Variants in SLC4A10 observed in about 807,000 individuals in gnomAD.
SLC4A10 encodes the protein solute carrier family 4 member 10, also known as sodium-driven chloride bicarbonate exchanger.
A neutral mutation model predicts 137.7 loss-of-function variants in SLC4A10; 42 were observed. The observed-to-expected ratio is 0.30, with a 90% confidence interval of 0.24 to 0.39. The LOEUF (loss-of-function observed/expected upper bound fraction) is 0.39. SLC4A10 is among the 10% of genes least tolerant of loss of function. The probability of loss-of-function intolerance (pLI) is 1.00; values close to 1 mark genes in which losing one functional copy is unlikely to be tolerated. For missense variants in SLC4A10, 925 were observed against 1,355.0 expected (o/e 0.68, Z 4.98); for synonymous variants, 474 against 464.1 (o/e 1.02, Z -0.27).
intron 9 of SLC4A10, among the ~76,000 whole-genome samples, chr2:161,880,444 A>G (rs528090884): frequency 1.3e-5 from 2 of 152,262 alleles, no homozygotes; most frequent in South Asian, 4.1e-4. Context: ...TTAAGAGCTC[A>G]GCTGACTGGA....
chr2:161,864,145 T>C (rs1167264689), intron 6 of SLC4A10, among the ~76,000 whole-genome samples: 1 of 151,914 alleles, frequency 6.6e-6, no homozygotes, highest in Non-Finnish European at 1.5e-5. Context: ...GAGATTGCAG[T>C]GAGCCGAGAT....
At chr2:161,852,800 C>G (rs911657553) in intron 4 of SLC4A10, among the ~76,000 whole-genome samples, 1 of 152,128 alleles carries the variant, frequency 6.6e-6, no homozygotes, top group African/African-American at 2.4e-5. Flanking sequence ...CCTGGCTTGA[C>G]AAGGTCACTG....
chr2:161,787,879 T>C (rs530912754), intron 2 of SLC4A10, among the ~76,000 whole-genome samples: 1 of 152,286 alleles, frequency 6.6e-6, no homozygotes, highest in Admixed American at 6.5e-5. Context: ...TTCTTTAGAA[T>C]CCGTATCTTG....
chr2:161,761,344 A>G (rs1231593587), intron 1 of SLC4A10, among the ~76,000 whole-genome samples: 2 of 152,096 alleles, frequency 1.3e-5, no homozygotes, highest in Admixed American at 6.6e-5. Flanking sequence ...CAGGACAAAT[A>G]AATGAAGGCC....
chr2:161,964,837 T>C (rs770951265), intron 22 of SLC4A10, among the ~76,000 whole-genome samples: 7 of 152,158 alleles, frequency 4.6e-5, no homozygotes, highest in Non-Finnish European at 1.0e-4. Context: ...GACTCCCATA[T>C]TGGTTAAAAT....
rs144192022 is a variant in SLC4A10, at chr2:161,828,046, G to A, written c.278-11743G>A. 2.6e-3 allele frequency among the ~76,000 whole-genome samples: 391 copies of A among 152,086 alleles called. 2 individuals are homozygous for A. The highest frequency in any genetic ancestry group is 4.5e-3 in the Non-Finnish European group (309 of 68,004). On this transcript the variant is annotated intron_variant, in intron 3 of 26. Transcript: ENST00000446997. ...TACTCCTGGGTTTACTCTGACTTTG[G>A]TCCCCAGCTCTCCAGTGCTATTATT...
At chr2:161,813,886 C>T (rs771020501) in intron 3 of SLC4A10, among the ~76,000 whole-genome samples, 2 of 152,034 alleles carry the variant, frequency 1.3e-5, no homozygotes, top group African/African-American at 2.4e-5. Context: ...ATGCTCAACC[C>T]GTACACCAAC....
At chr2:161,970,850 A>G (rs1575927562) in intron 23 of SLC4A10, among the ~76,000 whole-genome samples, 1 of 152,250 alleles carries the variant, frequency 6.6e-6, no homozygotes, top group Non-Finnish European at 1.5e-5. Flanking sequence ...TTATCAAACC[A>G]CACCAGGATT....
chr2:161,751,827 C>T (rs1197290453), intron 1 of SLC4A10, among the ~76,000 whole-genome samples: 1 of 151,868 alleles, frequency 6.6e-6, no homozygotes, highest in Non-Finnish European at 1.5e-5. Context: ...GGTAAAAGAA[C>T]AGATCTTCCA....
At chr2:161,896,430 G>A in intron 11 of SLC4A10, among the ~76,000 whole-genome samples, 1 of 152,070 alleles carries the variant, frequency 6.6e-6, no homozygotes, top group Non-Finnish European at 1.5e-5. Flanking sequence ...CTTTAAAGTA[G>A]TTTTTTTCCA....
chr2:161,885,804 A>C (rs2062222436), intron 10 of SLC4A10, among the ~76,000 whole-genome samples: 2 of 152,186 alleles, frequency 1.3e-5, no homozygotes, highest in Non-Finnish European at 2.9e-5. Context: ...TAATGAATTC[A>C]TTTAAAAATA....
At chr2:161,860,558 CA>C (rs2060379824) in intron 5 of SLC4A10, among the ~76,000 whole-genome samples, 1 of 152,094 alleles carries the variant, frequency 6.6e-6, no homozygotes, top group Non-Finnish European at 1.5e-5. Flanking sequence ...TCCATCTTAG[CA>C]AGGTTTCAGT....
At chr2:161,875,589 C>T (rs971796494) in intron 8 of SLC4A10, among the ~76,000 whole-genome samples, 3 of 152,092 alleles carry the variant, frequency 2.0e-5, no homozygotes, top group African/African-American at 7.2e-5. Context: ...TGTGTCAAAG[C>T]AATATTTGTT....
intron 1 of SLC4A10, among the ~76,000 whole-genome samples, chr2:161,699,299 C>T (rs372351252): frequency 2.6e-5 from 4 of 152,134 alleles, no homozygotes; most frequent in Admixed American, 6.5e-5. Context: ...GGATTACAGG[C>T]GTGAGCCACC....
chr2:161,682,398 G>GT (rs147518582), intron 1 of SLC4A10, among the ~76,000 whole-genome samples: 78 of 152,176 alleles, frequency 5.1e-4, no homozygotes, highest in African/African-American at 1.6e-3. Flanking sequence ...TATGAGAATC[G>GT]TAAGTATTGC....
At chr2:161,966,392 T>C (rs898138968) in intron 23 of SLC4A10, among the ~76,000 whole-genome samples, 3 of 152,214 alleles carry the variant, frequency 2.0e-5, no homozygotes, top group African/African-American at 7.2e-5. Context: ...AATGATATTA[T>C]ACAATTGTTA....
intron 1 of SLC4A10, among the ~76,000 whole-genome samples, chr2:161,704,406 C>A (rs1224692875): frequency 6.6e-6 from 1 of 151,328 alleles, no homozygotes; most frequent in Non-Finnish European, 1.5e-5. Context: ...TGAAATTAGA[C>A]CAGAAATATG....
chr2:161,638,347 T>C (rs2034757439), intron 1 of SLC4A10, among the ~76,000 whole-genome samples: 1 of 152,172 alleles, frequency 6.6e-6, no homozygotes, highest in Admixed American at 6.5e-5. Flanking sequence ...TTCTTATGCA[T>C]GTGGACATAG....
chr2:161,879,312 T>C (rs748308290), intron 9 of SLC4A10, 24 bp downstream of exon 9: 5 of 1,571,570 alleles, frequency 3.2e-6, no homozygotes, highest in African/African-American at 2.7e-5. Context: ...AAGCGTCTTT[T>C]GTATTTTTCT....
Sources: allele counts gnomAD v4.1 joint callset (sites outside exome capture counted in the v4.1 genomes callset), GRCh38; gene constraint gnomAD v4.1.1; transcripts MANE v1.5; gene names NCBI Gene and HGNC (gene_info 2026-07-23, HGNC 2026-07-21).